MAIP1: variants seen among roughly 807,000 people sequenced by gnomAD.
MAIP1 encodes m-AAA protease-interacting protein 1, mitochondrial.
Under a neutral mutation model 31.2 loss-of-function variants are expected in MAIP1, and 28 were observed. The observed-to-expected ratio is 0.90, with a 90% confidence interval of 0.67 to 1.23. The LOEUF (loss-of-function observed/expected upper bound fraction) is 1.23. Ranked by LOEUF, MAIP1 falls within the 50% of genes most tolerant of loss-of-function variation. MAIP1 has a pLI of 0.00. For missense variants in MAIP1, 339 were observed against 356.0 expected, an observed-to-expected ratio of 0.95 and a Z score of 0.38; for synonymous variants, 142 against 142.3, an observed-to-expected ratio of 1.00 and a Z score of 0.02.
intron 3 of MAIP1, among the ~76,000 whole-genome samples, chr2:199,960,407 C>A (rs903625081): frequency 6.6e-6 from 1 of 152,132 alleles, no homozygotes; most frequent in Non-Finnish European, 1.5e-5. Context: ...TACATTTTCC[C>A]TATAGCATTC....
intron 4 of MAIP1, among the ~76,000 whole-genome samples, chr2:199,962,492 T>TA (rs1396993024): frequency 6.6e-6 from 1 of 152,218 alleles, no homozygotes; most frequent in Non-Finnish European, 1.5e-5. Flanking sequence ...AGTAAAGGGC[T>TA]ATGCCCAGAA....
In MAIP1 at chr2:199,956,091, C is replaced by T. The variant is rs1282219268; in HGVS notation, c.293C>T (p.Thr98Met). 3 of 1,614,008 alleles carry T rather than the reference C, an allele frequency of 1.9e-6. No homozygotes were observed. Among genetic ancestry groups the T allele is most frequent in the Non-Finnish European group, 1.7e-6 (2 of 1,180,002 alleles). The change falls in exon 1 of 5, where the codon ACG (threonine) becomes ATG (methionine). Residue 98 changes from threonine to methionine, a missense_variant. By Grantham distance (81) the Thr-to-Met change is moderately conservative. Transcript: ENST00000392290. ...GCCTGCCCTCAGCGCAGCTACAGCA[C>T]GGAGGAGAAGCCCCAGCAGCACCAG... ...FPACPQRSYS[T>M]EEKPQQHQKT...
chr2:199,962,678 C>T (rs1403120878), intron 4 of MAIP1, among the ~76,000 whole-genome samples: 1 of 152,086 alleles, frequency 6.6e-6, no homozygotes, highest in African/African-American at 2.4e-5. Context: ...ATAAAATCTG[C>T]CATAATTGGT....
Position 199,963,779 on chromosome 2 carries a change from G to C in MAIP1, c.844G>C (p.Ala282Pro), listed in dbSNP as rs140885188. 1 of 1,609,496 alleles carries C rather than the reference G, an allele frequency of 6.2e-7. No homozygotes were observed. Among genetic ancestry groups the C allele is most frequent in the Non-Finnish European group, 8.5e-7 (1 of 1,176,462 alleles). Residue 282 changes from alanine (A) to proline (P), a missense_variant, in exon 5 of 5, where the codon GCA becomes CCA. Transcript: ENST00000392290. ...AGGAGTAAAGCCTGACTGGACCATTGCACGGATTGAACACTCAAAATTATT... is the reference window on the plus strand; with the variant it reads ...AGGAGTAAAGCCTGACTGGACCATTCCACGGATTGAACACTCAAAATTATT... ...TQGVKPDWTI[A>P]RIEHSKLLE
In MAIP1 at chr2:199,955,879, T is replaced by C. The variant is rs2077598320; in HGVS notation, c.81T>C (p.Pro27=). ...GCGGGGCCGTCCGACTCCGGACTCC[T>C]GCTGTGGCCGAGGTGAGGCTGCCGT... The part of the protein sequence containing the change: ...LPCGAVRLRT[P]AVAEVRLPSA... The change falls in exon 1 of 5, where the codon CCT becomes CCC. Residue 27 remains proline, a synonymous_variant. Coordinates refer to ENST00000392290, the MANE Select transcript of MAIP1 (RefSeq NM_001394955.1). The C allele has an allele frequency of 2.6e-6, 4 of 1,557,854 alleles. No individual in the cohort carries two copies. In the African/African-American group the frequency reaches 5.4e-5, roughly 21 times the overall value.
At chr2:199,960,582 A>G (rs2077630510) in intron 3 of MAIP1, among the ~76,000 whole-genome samples, 1 of 152,230 alleles carries the variant, frequency 6.6e-6, no homozygotes, top group African/African-American at 2.4e-5. Context: ...TTCCTCAATA[A>G]TACAGTATAA....
Position 199,955,824 on chromosome 2 carries a change from CCCAGTTCCT to C in MAIP1, c.27_35del (p.Gln10_Leu12del). ...ATGGCGCTGGCCGCTCGTTTGCTAC[CCCAGTTCCT>C]GCACTCTCGGTCGCTGCCCTGCGGG... On this transcript the variant is annotated inframe_deletion, in exon 1 of 5. Transcript: ENST00000392290. The C allele has an allele frequency of 6.6e-7, 1 of 1,518,618 alleles. No individual in the cohort carries two copies. Among genetic ancestry groups the C allele is most frequent in the Admixed American group, 2.3e-5 (1 of 44,180 alleles). The allele number at this position is 1,518,618 out of a possible 1,614,324, so 94.1% of individuals were successfully genotyped here. A position where few individuals can be genotyped will look rare whatever the true frequency, so the allele number is the denominator to read the frequency against.
chr2:199,958,324 A>G (rs2077618774), intron 1 of MAIP1, among the ~76,000 whole-genome samples: 1 of 152,098 alleles, frequency 6.6e-6, no homozygotes, highest in South Asian at 2.1e-4. Context: ...TAACTTAATC[A>G]TCTCTTTAAG....
chr2:199,956,294 A>G, intron 1 of MAIP1, 46 bp downstream of exon 1: 2 of 1,449,782 alleles, frequency 1.4e-6, no homozygotes, highest in Non-Finnish European at 1.9e-6. Context: ...AATGAGTTCA[A>G]CTATTGCTCG....
chr2:199,955,746 C>A lies in MAIP1; in HGVS notation c.-53C>A. Reference sequence around the variant, plus strand: ...CCGACACCGCTGAGGCGGTTTCCCACCGACTTCCTTTCCATACAGCACCGG... The same window carrying A: ...CCGACACCGCTGAGGCGGTTTCCCAACGACTTCCTTTCCATACAGCACCGG... On this transcript the variant is annotated 5_prime_UTR_variant, in exon 1 of 5. Coordinates refer to ENST00000392290, the MANE Select transcript of MAIP1 (RefSeq NM_001394955.1). 1 of 1,483,572 alleles carries A rather than the reference C, an allele frequency of 6.7e-7. No individual in the cohort carries two copies. Among genetic ancestry groups the A allele is most frequent in the South Asian group, 1.4e-5 (1 of 73,846 alleles). 91.9% of individuals were successfully genotyped at this position (1,483,572 alleles called of 1,614,324 possible).
chr2:199,956,383 C>T (rs1160886632), intron 1 of MAIP1, 135 bp downstream of exon 1: 6 of 751,358 alleles, frequency 8.0e-6, no homozygotes, highest in Non-Finnish European at 1.3e-5. Context: ...ATAGAGCCTT[C>T]CAGCCATTGC....
At chr2:199,961,603 C>A (rs1160823508) in intron 3 of MAIP1, among the ~76,000 whole-genome samples, 178 bp from the exon 4 acceptor site, 1 of 152,154 alleles carries the variant, frequency 6.6e-6, no homozygotes, top group East Asian at 1.9e-4. Context: ...AACCCTAAGA[C>A]AATTTTCTAA....
chr2:199,955,535 A>C, upstream of MAIP1: 1 of 1,567,680 alleles, frequency 6.4e-7, no homozygotes, highest in Non-Finnish European at 8.7e-7. Flanking sequence ...CCTCAGCGCC[A>C]TCCGCCCGGA....
rs759785130 is a variant in MAIP1, at chr2:199,959,866, A to T, written c.635A>T (p.Tyr212Phe). The T allele has an allele frequency of 1.9e-6, 3 of 1,612,256 alleles. No homozygotes were observed. The Admixed American group carries it at 5.0e-5, about 27-fold the overall frequency. Residue 212 changes from tyrosine (Y) to phenylalanine (F), a missense_variant, in exon 3 of 5, where the codon TAC becomes TTC. Transcript: ENST00000392290. ...VFTSTGDISI[Y>F]YDEKGRKFVN... is the part of the protein sequence containing the mutation. ...ACATCAACAGGAGACATCTCCATTT[A>T]CTATGATGAGAAAGGTAATACCAGA...
At chr2:199,962,717 G>A (rs2077642998) in intron 4 of MAIP1, among the ~76,000 whole-genome samples, 2 of 152,182 alleles carry the variant, frequency 1.3e-5, no homozygotes, top group African/African-American at 4.8e-5. Context: ...CTAGACATCT[G>A]TTGGTCATCT....
chr2:199,961,439 G>A (rs2077636461), intron 3 of MAIP1, among the ~76,000 whole-genome samples: 1 of 152,084 alleles, frequency 6.6e-6, no homozygotes, highest in South Asian at 2.1e-4. Flanking sequence ...ACCCCAGCCC[G>A]GGTGACAGAG....
In MAIP1 at chr2:199,955,771, G is replaced by A; in HGVS notation, c.-28G>A. 1 of 1,508,864 alleles carries A rather than the reference G, an allele frequency of 6.6e-7. No homozygotes were observed. Among genetic ancestry groups the A allele is most frequent in the Non-Finnish European group, 8.9e-7 (1 of 1,129,880 alleles). 93.5% of individuals were successfully genotyped at this position (1,508,864 alleles called of 1,614,324 possible). On this transcript the variant is annotated 5_prime_UTR_variant, in exon 1 of 5. Transcript: ENST00000392290. ...CCGACTTCCTTTCCATACAGCACCG[G>A]CAGGCACCGGTGTGAAGGGTCATAA...
At chr2:199,957,038 GCT>G (rs1491224597) in intron 1 of MAIP1, among the ~76,000 whole-genome samples, 1 of 69,888 alleles carries the variant, frequency 1.4e-5, no homozygotes, top group Non-Finnish European at 2.7e-5. Flanking sequence ...GTGGGTACAT[GCT>G]TTTTTTTTTT....
chr2:199,961,807 T>A lies in MAIP1; in HGVS notation c.676T>A (p.Cys226Ser). ...AAGGAAGTTTGTTAACATCCTGATG[T>A]GCTTTTGGTATCTAACCAGTGCCAA... ...KGRKFVNILMCFWYLTSANIP... is the reference protein window; with the variant it reads ...KGRKFVNILMSFWYLTSANIP... The change falls in exon 4 of 5, where the codon TGC (cysteine) becomes AGC (serine). Residue 226 changes from cysteine to serine, a missense_variant. Physicochemically the swap from Cys to Ser is moderately radical, Grantham distance 112 (BLOSUM62 -1). Coordinates refer to ENST00000392290, the MANE Select transcript of MAIP1 (RefSeq NM_001394955.1). 6.2e-7 allele frequency: 1 copy of A among 1,613,728 alleles called. No homozygotes were observed. Among genetic ancestry groups the A allele is most frequent in the South Asian group, 1.1e-5 (1 of 90,928 alleles).
Sources: allele counts gnomAD v4.1 joint callset (sites outside exome capture counted in the v4.1 genomes callset), GRCh38; gene constraint gnomAD v4.1.1; transcripts MANE v1.5; gene names NCBI Gene and HGNC (gene_info 2026-07-23, HGNC 2026-07-21).